The following PDE8B variants were observed in gnomAD, a reference collection of about 807,000 sequenced individuals.
PDE8B encodes the protein phosphodiesterase 8B, also known as high affinity cAMP-specific and IBMX-insensitive 3',5'-cyclic phosphodiesterase 8B.
Under a neutral mutation model 101.3 loss-of-function variants are expected in PDE8B, and 26 were observed. The observed-to-expected ratio is 0.26, with a 90% CI of 0.19 to 0.36. The LOEUF (loss-of-function observed/expected upper bound fraction) is 0.36, where lower values mean the gene tolerates loss of function less well. Among genes scored for constraint, PDE8B ranks in the 10% least tolerant of loss-of-function variants. PDE8B has a pLI of 1.00. For synonymous variants in PDE8B, 424 were observed against 429.3 expected (o/e 0.99, Z 0.15); for missense variants, 810 against 1,163.1 (o/e 0.70, Z 4.42).
intron 1 of PDE8B, among the ~76,000 whole-genome samples, chr5:77,226,911 G>A (rs1397826810): frequency 1.3e-5 from 2 of 152,132 alleles, no homozygotes; most frequent in Middle Eastern, 3.2e-3. Context: ...CCTCCCTTAT[G>A]ATGGCAGCAA....
At chr5:77,284,421 C>A (rs535409851) in intron 1 of PDE8B, among the ~76,000 whole-genome samples, 3 of 152,040 alleles carry the variant, frequency 2.0e-5, no homozygotes, top group Non-Finnish European at 4.4e-5. Context: ...TTAGATTTCC[C>A]CTATGCTATC....
intron 1 of PDE8B, among the ~76,000 whole-genome samples, chr5:77,245,228 C>G (rs890660430): frequency 1.3e-5 from 2 of 152,178 alleles, no homozygotes; most frequent in African/African-American, 2.4e-5. Flanking sequence ...ATAAAATACT[C>G]TCCTACTCTC....
At chr5:77,273,216 A>G (rs1763139581) in intron 1 of PDE8B, among the ~76,000 whole-genome samples, 1 of 152,194 alleles carries the variant, frequency 6.6e-6, no homozygotes, top group African/African-American at 2.4e-5. Flanking sequence ...TGTACTTTCT[A>G]TAGAATCTGA....
At chr5:77,272,129 G>T (rs1310695156) in intron 1 of PDE8B, among the ~76,000 whole-genome samples, 1 of 152,140 alleles carries the variant, frequency 6.6e-6, no homozygotes, top group Non-Finnish European at 1.5e-5. Flanking sequence ...CCCTGCTTAG[G>T]GTAAGGTTAT....
At chr5:77,294,870 T>C (rs1768172021) in intron 1 of PDE8B, among the ~76,000 whole-genome samples, 1 of 148,224 alleles carries the variant, frequency 6.7e-6, no homozygotes, top group Admixed American at 6.8e-5. Flanking sequence ...ATATGATATA[T>C]ATAATATATA....
At chr5:77,287,337 A>G (rs1171979104) in intron 1 of PDE8B, among the ~76,000 whole-genome samples, 1 of 150,380 alleles carries the variant, frequency 6.6e-6, no homozygotes, top group Non-Finnish European at 1.5e-5. Flanking sequence ...ATTGTGTCCC[A>G]CCTCCCATTA....
chr5:77,319,399 A>G (rs1350297214), intron 2 of PDE8B, among the ~76,000 whole-genome samples: 1 of 152,254 alleles, frequency 6.6e-6, no homozygotes, highest in Non-Finnish European at 1.5e-5. Context: ...AAGTACAGAC[A>G]GCAAAGCATG....
intron 12 of PDE8B, among the ~76,000 whole-genome samples, chr5:77,406,722 G>A (rs74741060): frequency 6.6e-6 from 1 of 152,206 alleles, no homozygotes; most frequent in Non-Finnish European, 1.5e-5. Flanking sequence ...GATCTGATGA[G>A]AACAGTGCTT....
the PDE8B span, chr5:77,106,044 A>T: frequency 6.6e-6 from 1 of 152,140 alleles, no homozygotes; most frequent in Admixed American, 6.6e-5. Context: ...GAGTTGTATT[A>T]GTTCTTTATA....
At chr5:77,391,297 A>G (rs1210959974) in intron 10 of PDE8B, among the ~76,000 whole-genome samples, 1 of 152,176 alleles carries the variant, frequency 6.6e-6, no homozygotes, top group Non-Finnish European at 1.5e-5. Flanking sequence ...GGGGTGTGAC[A>G]GGGGAAGGTC....
chr5:77,290,339 G>A, intron 1 of PDE8B: 3 of 1,470,644 alleles, frequency 2.0e-6, no homozygotes, highest in Non-Finnish European at 1.9e-6. Flanking sequence ...AGGAAAATGA[G>A]GGCGTGTATA....
rs572427990 is a variant in PDE8B at position 77,325,168 on chromosome 5, G to T, written c.400-371G>T. Among the ~76,000 whole-genome samples, 525 of 56,818 alleles carry T rather than the reference G, an allele frequency of 9.2e-3. 1 individual carries two copies. Among genetic ancestry groups the T allele is most frequent in the African/African-American group, 0.038 (498 of 13,230 alleles). The allele number at this position is 56,818 out of a possible 152,430, so 37.3% of individuals were successfully genotyped here. A position where few individuals can be genotyped will look rare whatever the true frequency, so the allele number is the denominator to read the frequency against. ...CCTGGTCTTTTGGTTGTTTTGGGGG[G>T]ATTGTTTTGGCTTTGTTTTAGACAG... On this transcript the variant is annotated intron_variant, in intron 2 of 21. Transcript: ENST00000264917.
the PDE8B span, among the ~76,000 whole-genome samples, chr5:77,093,911 C>T: frequency 3.3e-5 from 5 of 151,956 alleles, no homozygotes; most frequent in African/African-American, 4.8e-5. Flanking sequence ...CTGCTTTGGC[C>T]GCCGGGAGGG....
intron 4 of PDE8B, among the ~76,000 whole-genome samples, chr5:77,329,543 G>C (rs1776714763): frequency 6.6e-6 from 1 of 152,188 alleles, no homozygotes; most frequent in African/African-American, 2.4e-5. Context: ...AGGCAGGACA[G>C]TAGAGTTTAT....
intron 11 of PDE8B, among the ~76,000 whole-genome samples, chr5:77,402,623 A>C (rs988484763): frequency 2.0e-5 from 3 of 152,216 alleles, no homozygotes; most frequent in Admixed American, 1.3e-4. Flanking sequence ...CATATATGCA[A>C]ATGAACGGAT....
At chr5:77,154,963 A>C in the PDE8B span, among the ~76,000 whole-genome samples, 2 of 152,170 alleles carry the variant, frequency 1.3e-5, no homozygotes, top group African/African-American at 4.8e-5. Flanking sequence ...TGGATGTTGC[A>C]GACTTAAGTG....
intron 1 of PDE8B, among the ~76,000 whole-genome samples, chr5:77,281,022 C>A (rs779979210): frequency 6.6e-6 from 1 of 152,238 alleles, no homozygotes; most frequent in Non-Finnish European, 1.5e-5. Context: ...GTCCACCTGC[C>A]GAGGGGCTGG....
intron 12 of PDE8B, 78 bp from the exon 13 acceptor site, chr5:77,407,302 TC>T: frequency 9.6e-7 from 1 of 1,040,016 alleles, no homozygotes; most frequent in Non-Finnish European, 1.5e-6. Context: ...CGGGCCCTGG[TC>T]CATGAAGGGA....
intron 1 of PDE8B, among the ~76,000 whole-genome samples, chr5:77,305,640 G>A (rs894820730): frequency 6.6e-6 from 1 of 152,314 alleles, no homozygotes; most frequent in South Asian, 2.1e-4. Flanking sequence ...AGGACAGACA[G>A]GGGCCCATTA....
Sources: allele counts gnomAD v4.1 joint callset (sites outside exome capture counted in the v4.1 genomes callset), GRCh38; gene constraint gnomAD v4.1.1; transcripts MANE v1.5; gene names NCBI Gene and HGNC (gene_info 2026-07-23, HGNC 2026-07-21).